TMC5: variants seen among roughly 807,000 people sequenced by gnomAD.
TMC5 encodes transmembrane channel like 5, also known as transmembrane channel-like protein 5.
A neutral mutation model predicts 110.5 loss-of-function variants in TMC5; 86 were observed. The ratio of observed to expected loss-of-function variants is 0.78; its 90% CI spans 0.65 to 0.93. The LOEUF is 0.93. Ranked by LOEUF, TMC5 falls within the 40% of genes least tolerant of loss-of-function variation. The pLI is 0.00. For synonymous variants in TMC5, 455 were observed against 439.5 expected (o/e 1.04, Z -0.44); for missense variants, 1,144 against 1,222.8 (o/e 0.94, Z 0.96).
Position 19,444,901 on chromosome 16 carries a change from C to T in TMC5, c.958+651C>T, listed in dbSNP as rs552468379. 5.3e-5 allele frequency among the ~76,000 whole-genome samples: 8 copies of T among 152,268 alleles called. No homozygotes were observed. In the South Asian group the frequency reaches 1.0e-3, roughly 20 times the overall value. On this transcript the variant is annotated intron_variant, in intron 4 of 21. Transcript: ENST00000542583. The stretch of plus-strand genomic sequence containing the variant: ...AATCCCAGCACTTGGGAGGTCGAGG[C>T]GGGCAGATCACCTGAGGTCAGGAGT...
At chr16:19,484,098 A>T (rs990241016) in intron 15 of TMC5, among the ~76,000 whole-genome samples, 3 of 152,042 alleles carry the variant, frequency 2.0e-5, no homozygotes, top group African/African-American at 7.2e-5. Context: ...AAAAAAAAAA[A>T]AGAATAGCTG....
chr16:19,480,779 T>C (rs922937303), intron 14 of TMC5, among the ~76,000 whole-genome samples: 1 of 131,432 alleles, frequency 7.6e-6, no homozygotes, highest in Non-Finnish European at 1.5e-5. Context: ...CCCTCCACCC[T>C]GGGTGACACA....
chr16:19,463,190 G>A (rs1597192859), intron 6 of TMC5, 90 bp from the exon 7 acceptor site: 1 of 989,838 alleles, frequency 1.0e-6, no homozygotes, highest in Admixed American at 1.8e-5. Flanking sequence ...GAAGTGTTGG[G>A]ATTACAGGCA....
At chr16:19,452,753 T>TG (rs1374955040) in intron 5 of TMC5, among the ~76,000 whole-genome samples, 1 of 152,130 alleles carries the variant, frequency 6.6e-6, no homozygotes, top group Non-Finnish European at 1.5e-5. Flanking sequence ...TTGGGCTTTC[T>TG]GTGCAGCATT....
chr16:19,478,109 C>A (rs1326683885), intron 13 of TMC5, among the ~76,000 whole-genome samples: 1 of 152,184 alleles, frequency 6.6e-6, no homozygotes, highest in East Asian at 1.9e-4. Flanking sequence ...GATTTAGGAA[C>A]AAGCCAGCCT....
intron 13 of TMC5, among the ~76,000 whole-genome samples, chr16:19,478,422 A>G (rs1968538043): frequency 6.6e-6 from 1 of 152,296 alleles, no homozygotes; most frequent in South Asian, 2.1e-4. Flanking sequence ...CCAAGTTAGT[A>G]TGGTTAGAGC....
In TMC5 at chr16:19,440,777, G is replaced by A. The variant is rs767276984; in HGVS notation, c.739G>A (p.Glu247Lys). ...GAGAGAACCTGATTATTCAGATGCT[G>A]AGAATGGTCATGATTATGGCTCTTC... ...TWREPDYSDA[E>K]NGHDYGSSET... Residue 247 changes from glutamate to lysine, a missense_variant, in exon 3 of 22, where the codon GAG becomes AAG. By Grantham distance (56) the Glu-to-Lys change is moderately conservative (BLOSUM62 1). Coordinates refer to ENST00000542583, the MANE Select transcript of TMC5 (RefSeq NM_001261841.2). The A allele has an allele frequency of 1.9e-6, 3 of 1,614,058 alleles. No individual in the cohort carries two copies. The highest frequency in any genetic ancestry group is 2.5e-6 in the Non-Finnish European group (3 of 1,180,042).
intron 3 of TMC5, among the ~76,000 whole-genome samples, chr16:19,441,162 G>A (rs777583443): frequency 5.9e-5 from 9 of 152,086 alleles, no homozygotes; most frequent in African/African-American, 1.7e-4. Context: ...AAGACTTGAC[G>A]CTCATAAATC....
intron 15 of TMC5, among the ~76,000 whole-genome samples, chr16:19,485,922 G>A (rs1323557767): frequency 1.3e-5 from 2 of 152,188 alleles, no homozygotes; most frequent in African/African-American, 4.8e-5. Context: ...CAGGACCTCA[G>A]ACCTTGAATA....
Position 19,444,073 on chromosome 16 carries a change from G to T in TMC5, c.789-8G>T, listed in dbSNP as rs1374407427. 1.9e-6 allele frequency: 3 copies of T among 1,611,494 alleles called. No individual in the cohort carries two copies. The highest frequency in any genetic ancestry group is 2.5e-6 in the Non-Finnish European group (3 of 1,178,240). On this transcript the variant is annotated splice_polypyrimidine_tract_variant and splice_region_variant and intron_variant, in intron 3 of 21. Transcript: ENST00000542583. Reference sequence around the variant, plus strand: ...GGTTGGATAGTGATCCATCATTTTGGATTTTAGGGTGCTCAGCAGAACATC... The same window carrying T: ...GGTTGGATAGTGATCCATCATTTTGTATTTTAGGGTGCTCAGCAGAACATC...
chr16:19,489,686 T>A (rs530228402), intron 17 of TMC5, among the ~76,000 whole-genome samples: 1 of 150,990 alleles, frequency 6.6e-6, no homozygotes, highest in Non-Finnish European at 1.5e-5. Context: ...TGTCTTGCTA[T>A]GTTGCCTAGG....
intron 1 of TMC5, among the ~76,000 whole-genome samples, chr16:19,427,711 A>G (rs6497372): frequency 0.79 from 119,693 of 151,486 alleles, 47,538 homozygotes; most frequent in South Asian, 0.9. Flanking sequence ...AGGATGTTTA[A>G]CAGCTACCTA....
Position 19,474,173 on chromosome 16 carries a change from G to T in TMC5, c.1987G>T (p.Val663Phe), listed in dbSNP as rs192944117. 1 of 1,613,940 alleles carries T rather than the reference G, an allele frequency of 6.2e-7. No individual in the cohort carries two copies. Among genetic ancestry groups the T allele is most frequent in the South Asian group, 1.1e-5 (1 of 91,062 alleles). ...NPGAVLLLPFVVSCINLAVPC... is the reference protein window; with the variant it reads ...NPGAVLLLPFFVSCINLAVPC... ...TGGGGCGGTGCTGTTACTGCCTTTC[G>T]TTGTGTCCTGCATTAATCTGGCCGT... Residue 663 changes from valine (V) to phenylalanine (F), a missense_variant, in exon 12 of 22, where the codon GTT (valine) becomes TTT (phenylalanine). Transcript: ENST00000542583.
At chr16:19,492,299 TAA>T (rs1262997127) in intron 19 of TMC5, 71 bp downstream of exon 19, 1 of 1,081,450 alleles carries the variant, frequency 9.2e-7, no homozygotes, top group African/African-American at 1.5e-5. Context: ...TCCTCCAAAA[TAA>T]AGAGAATACT....
Position 19,466,123 on chromosome 16 carries a change from C to G in TMC5, c.1527C>G (p.Thr509=). 6.2e-7 allele frequency: 1 copy of G among 1,614,058 alleles called. No homozygotes were observed. Residue 509 remains threonine, a synonymous_variant, in exon 9 of 22, where the codon ACC becomes ACG. Coordinates refer to ENST00000542583, the MANE Select transcript of TMC5 (RefSeq NM_001261841.2). ...CAGTGATGTACTATGGCTTTTACAC[C>G]AATTCCACCATCCAGCACGGGAACA... ...RDTVMYYGFY[T]NSTIQHGNSG...
At chr16:19,454,380 A>G (rs1967818335) in intron 5 of TMC5, among the ~76,000 whole-genome samples, 1 of 152,198 alleles carries the variant, frequency 6.6e-6, no homozygotes, top group Admixed American at 6.5e-5. Context: ...CTCTTGTTAC[A>G]GGAAGGGGCC....
At chr16:19,441,892 C>T (rs565951258) in intron 3 of TMC5, among the ~76,000 whole-genome samples, 35 of 152,310 alleles carry the variant, frequency 2.3e-4, no homozygotes, top group African/African-American at 8.2e-4. Context: ...CAGCCTCTGC[C>T]TCCCGGGTTC....
At chr16:19,456,513 G>T (rs1284027642) in intron 5 of TMC5, 1 of 1,352,570 alleles carries the variant, frequency 7.4e-7, no homozygotes, top group East Asian at 2.7e-5. Context: ...TAGATGCAGG[G>T]AGTTATGTTG....
chr16:19,431,819 C>T (rs1040432337), intron 2 of TMC5, among the ~76,000 whole-genome samples: 2 of 152,178 alleles, frequency 1.3e-5, no homozygotes, highest in Admixed American at 1.3e-4. Context: ...AGAATCACAG[C>T]TGGCCATCTT....
Sources: gnomAD v4.1 joint callset for allele counts (sites outside exome capture counted in the v4.1 genomes callset) on GRCh38, gnomAD v4.1.1 for gene constraint, MANE v1.5 for transcripts, NCBI Gene and HGNC (gene_info 2026-07-23, HGNC 2026-07-21) for gene names.